The following ERBB4 variants were observed in gnomAD, a reference collection of about 807,000 sequenced individuals.
The protein encoded by ERBB4 is receptor tyrosine-protein kinase erbB-4.
In ERBB4, 42 loss-of-function variants were observed where a neutral mutation model predicts 158.0. The ratio of observed to expected loss-of-function variants is 0.27; its 90% CI spans 0.21 to 0.34. The LOEUF (loss-of-function observed/expected upper bound fraction) is 0.34, where lower values mean the gene tolerates loss of function less well. Ranked by LOEUF, ERBB4 falls within the 10% of genes least tolerant of loss-of-function variation. The pLI, the probability that ERBB4 is intolerant of heterozygous loss-of-function variation, is 1.00. For synonymous variants in ERBB4, 583 were observed against 558.7 expected (o/e 1.04, Z -0.61); for missense variants, 1,333 against 1,624.1 (o/e 0.82, Z 3.08).
At chr2:212,471,345 T>C (rs1221725851) in intron 1 of ERBB4, among the ~76,000 whole-genome samples, 1 of 152,038 alleles carries the variant, frequency 6.6e-6, no homozygotes, top group Admixed American at 6.6e-5. Flanking sequence ...GTCTTTAGCC[T>C]TTAATCTTAA....
chr2:211,446,248 G>T (rs1027232033), intron 20 of ERBB4, among the ~76,000 whole-genome samples: 1 of 152,096 alleles, frequency 6.6e-6, no homozygotes, highest in African/African-American at 2.4e-5. Flanking sequence ...GATTGCCAAA[G>T]AATACTGAGG....
intron 1 of ERBB4, among the ~76,000 whole-genome samples, chr2:212,402,711 A>G (rs981893350): frequency 1.3e-5 from 2 of 152,124 alleles, no homozygotes; most frequent in African/African-American, 2.4e-5. Flanking sequence ...AGTGGTATTA[A>G]AAAAACAACT....
intron 2 of ERBB4, among the ~76,000 whole-genome samples, chr2:211,979,122 A>G (rs1036407237): frequency 6.6e-6 from 1 of 152,186 alleles, no homozygotes; most frequent in African/African-American, 2.4e-5. Context: ...CGGAAACACA[A>G]TAGACCAAAA....
At chr2:211,863,590 C>A (rs2078125649) in intron 3 of ERBB4, among the ~76,000 whole-genome samples, 1 of 152,160 alleles carries the variant, frequency 6.6e-6, no homozygotes, top group African/African-American at 2.4e-5. Context: ...AGAGCTGTAA[C>A]ACTCACTGTG....
intron 14 of ERBB4, among the ~76,000 whole-genome samples, chr2:211,670,361 T>C (rs1190856908): frequency 6.6e-6 from 1 of 152,200 alleles, no homozygotes; most frequent in Admixed American, 6.5e-5. Flanking sequence ...CTTACCTGCT[T>C]AGCATTCAAA....
chr2:212,537,713 G>A (rs942656284), intron 1 of ERBB4, among the ~76,000 whole-genome samples: 3 of 151,982 alleles, frequency 2.0e-5, no homozygotes, highest in African/African-American at 4.8e-5. Flanking sequence ...GGCAACCGAC[G>A]GGAAGGCCGG....
chr2:211,668,793 C>G (rs2071723175), intron 14 of ERBB4, among the ~76,000 whole-genome samples: 1 of 152,084 alleles, frequency 6.6e-6, no homozygotes, highest in Non-Finnish European at 1.5e-5. Context: ...GCTTAAGTCT[C>G]CAGCCTTCTC....
intron 1 of ERBB4, among the ~76,000 whole-genome samples, chr2:212,152,713 A>G (rs371445932): frequency 1.4e-4 from 21 of 152,144 alleles, no homozygotes; most frequent in African/African-American, 4.8e-4. Flanking sequence ...ATCTCCACTC[A>G]TAAGTTTAAA....
intron 1 of ERBB4, among the ~76,000 whole-genome samples, chr2:212,210,372 T>C (rs2082897382): frequency 6.6e-6 from 1 of 151,832 alleles, no homozygotes; most frequent in Admixed American, 6.6e-5. Flanking sequence ...AAGAAAAAAA[T>C]GATGGTAACT....
chr2:211,903,108 T>C (rs1022631341), intron 3 of ERBB4, among the ~76,000 whole-genome samples: 5 of 151,954 alleles, frequency 3.3e-5, no homozygotes, highest in African/African-American at 7.2e-5. Context: ...AAAATAAGTC[T>C]CTTTCCCTCC....
At chr2:212,036,433 G>T (rs908559496) in intron 2 of ERBB4, among the ~76,000 whole-genome samples, 1 of 151,520 alleles carries the variant, frequency 6.6e-6, no homozygotes, top group African/African-American at 2.4e-5. Flanking sequence ...TATACCAGAC[G>T]CCGTGGAACT....
intron 1 of ERBB4, among the ~76,000 whole-genome samples, chr2:212,489,527 T>C (rs1183449509): frequency 2.0e-5 from 3 of 152,022 alleles, no homozygotes; most frequent in Non-Finnish European, 4.4e-5. Context: ...AAGTATTAAG[T>C]AGAGGATGTT....
At chr2:211,527,312 A>G (rs1292523661) in intron 20 of ERBB4, among the ~76,000 whole-genome samples, 2 of 152,088 alleles carry the variant, frequency 1.3e-5, no homozygotes, top group South Asian at 2.1e-4. Context: ...TGCTGGAAAA[A>G]AACCCCAACT....
rs759991860 is a variant in ERBB4, at chr2:211,726,497, C to A, written c.623-1303G>T. The stretch of plus-strand genomic sequence containing the variant: ...GTTCCCTTATCTCAATTAATGGAAG[C>A]ACCATATATCCAGTAGCTTGCTAGT... On this transcript the variant is annotated intron_variant, in intron 5 of 27. Coordinates refer to ENST00000342788, the MANE Select transcript of ERBB4 (RefSeq NM_005235.3). Among the ~76,000 whole-genome samples the A allele has an allele frequency of 1.3e-3, 201 of 152,264 alleles. 1 individual carries two copies. The highest frequency in any genetic ancestry group is 2.1e-3 in the Non-Finnish European group (140 of 68,008).
intron 1 of ERBB4, among the ~76,000 whole-genome samples, chr2:212,251,096 G>T (rs1422644415): frequency 6.6e-6 from 1 of 151,916 alleles, no homozygotes; most frequent in Non-Finnish European, 1.5e-5. Flanking sequence ...AATTTTCTGA[G>T]TTGAAAACTT....
At chr2:212,245,675 C>G (rs530275879) in intron 1 of ERBB4, among the ~76,000 whole-genome samples, 1 of 152,224 alleles carries the variant, frequency 6.6e-6, no homozygotes, top group Admixed American at 6.6e-5. Flanking sequence ...GGCCTGATAT[C>G]AACTGCTGTT....
chr2:212,280,228 T>C (rs2085702579), intron 1 of ERBB4, among the ~76,000 whole-genome samples: 1 of 151,710 alleles, frequency 6.6e-6, no homozygotes, highest in Non-Finnish European at 1.5e-5. Flanking sequence ...AGTTGTTAGA[T>C]ATATAGGCAA....
At chr2:212,480,560 TC>T (rs1334121688) in intron 1 of ERBB4, among the ~76,000 whole-genome samples, 2 of 152,194 alleles carry the variant, frequency 1.3e-5, no homozygotes, top group Non-Finnish European at 2.9e-5. Context: ...AGATAGTGCC[TC>T]CTTATATAAT....
chr2:212,453,384 G>A (rs963581527), intron 1 of ERBB4, among the ~76,000 whole-genome samples: 3 of 152,142 alleles, frequency 2.0e-5, no homozygotes, highest in Admixed American at 6.6e-5. Flanking sequence ...AGATATTCAA[G>A]AATGCACCCA....
Sources: allele counts gnomAD v4.1 joint callset (sites outside exome capture counted in the v4.1 genomes callset), GRCh38; gene constraint gnomAD v4.1.1; transcripts MANE v1.5; gene names NCBI Gene and HGNC (gene_info 2026-07-23, HGNC 2026-07-21).